The following ZNF563 variants were observed in gnomAD, a reference collection of about 807,000 sequenced individuals.
The protein encoded by ZNF563 is zinc finger protein 563.
In ZNF563, 39 loss-of-function variants were observed where a neutral mutation model predicts 48.5. That is an observed-to-expected ratio of 0.80 (90% CI 0.62 to 1.05). ZNF563 has a LOEUF of 1.05. Ranked by LOEUF, ZNF563 falls within the 50% of genes least tolerant of loss-of-function variation. The pLI is 0.00. For missense variants in ZNF563, 538 were observed against 597.0 expected (o/e 0.90, Z 1.03); for synonymous variants, 168 against 187.9 (o/e 0.89, Z 0.87).
At chr19:12,327,903 T>C (rs1045316070) in intron 1 of ZNF563, among the ~76,000 whole-genome samples, 3 of 152,078 alleles carry the variant, frequency 2.0e-5, no homozygotes, top group Admixed American at 2.0e-4. Context: ...TCAAAATACA[T>C]AAAGTAAAAA....
At chr19:12,331,239 TC>T (rs1185878249) in intron 1 of ZNF563, among the ~76,000 whole-genome samples, 1 of 152,154 alleles carries the variant, frequency 6.6e-6, no homozygotes, top group Non-Finnish European at 1.5e-5. Context: ...GTTGACAACC[TC>T]AGGGAGGGGC....
intron 1 of ZNF563, among the ~76,000 whole-genome samples, chr19:12,323,084 C>T (rs1968676854): frequency 1.3e-5 from 2 of 152,236 alleles, no homozygotes; most frequent in Admixed American, 6.5e-5. Context: ...GACTGCATGT[C>T]CTTACAAATT....
chr19:12,336,376 A>G (rs567041781), upstream of ZNF563, among the ~76,000 whole-genome samples: 2 of 152,224 alleles, frequency 1.3e-5, no homozygotes, highest in African/African-American at 4.8e-5. Flanking sequence ...GCAGATCACA[A>G]CGTCAGGAGT....
At chr19:12,328,489 A>C (rs899667666) in intron 1 of ZNF563, among the ~76,000 whole-genome samples, 10 of 152,152 alleles carry the variant, frequency 6.6e-5, no homozygotes, top group African/African-American at 2.2e-4. Context: ...AAAAGAGAAA[A>C]GAGCTGGGTG....
chr19:12,329,546 A>T (rs1021153371), intron 1 of ZNF563, among the ~76,000 whole-genome samples: 5 of 152,120 alleles, frequency 3.3e-5, no homozygotes, highest in African/African-American at 1.2e-4. Flanking sequence ...TGTAAAACTG[A>T]TAAGCCGACA....
chr19:12,326,679 T>C (rs1968804891), intron 1 of ZNF563, among the ~76,000 whole-genome samples: 1 of 151,436 alleles, frequency 6.6e-6, no homozygotes, highest in Non-Finnish European at 1.5e-5. Context: ...ATAAAACAAT[T>C]GAATCTACCC....
chr19:12,322,686 G>T lies in ZNF563; in HGVS notation c.29C>A (p.Ala10Asp). The part of the protein sequence containing the change: MDAVAFEDV[A>D]VNFTQEEWAL... ...CCATTCCTCCTGGGTGAAGTTCACA[G>T]CCACATCCTCAAAGGCCACTGCGTC... Residue 10 changes from alanine (A) to aspartate (D), a missense_variant, in exon 2 of 4, where the codon GCT becomes GAT. By Grantham distance (126) the Ala-to-Asp change is moderately radical. Coordinates refer to ENST00000293725, the MANE Select transcript of ZNF563 (RefSeq NM_145276.3). 1.2e-6 allele frequency: 2 copies of T among 1,608,096 alleles called. No homozygotes were observed. The highest frequency in any genetic ancestry group is 1.3e-5 in the African/African-American group (1 of 74,822).
the ZNF563 span, among the ~76,000 whole-genome samples, chr19:12,342,678 C>T: frequency 6.6e-6 from 1 of 150,936 alleles, no homozygotes; most frequent in Non-Finnish European, 1.5e-5. Flanking sequence ...GAGGCTGTGG[C>T]AAGAGGGTCA....
the ZNF563 span, among the ~76,000 whole-genome samples, chr19:12,345,694 T>C: frequency 2.0e-5 from 3 of 152,204 alleles, no homozygotes; most frequent in South Asian, 2.1e-4. Flanking sequence ...AGCAGATCAC[T>C]TGAGGTCAGG....
At position 12,318,907 on chromosome 19, in the gene ZNF563, G is replaced by C; in HGVS notation, c.1118C>G (p.Thr373Arg). 6.2e-7 allele frequency: 1 copy of C among 1,614,142 alleles called. No individual in the cohort carries two copies. The highest frequency in any genetic ancestry group is 8.5e-7 in the Non-Finnish European group (1 of 1,180,030). ...KPYECKQCGK[T>R]LSHSSSFRRH... is the part of the protein sequence containing the mutation. ...TCGAAAGCTTGAGCTATGAGATAAC[G>C]TTTTCCCACACTGCTTGCATTCATA... The change falls in exon 4 of 4, where the codon ACG (threonine) becomes AGG (arginine). Residue 373 changes from threonine (T) to arginine (R), a missense_variant. Physicochemically the swap from Thr to Arg is moderately conservative, Grantham distance 71. Transcript: ENST00000293725.
At chr19:12,338,476 T>C (rs1050485987), upstream of ZNF563, among the ~76,000 whole-genome samples, 3 of 152,152 alleles carry the variant, frequency 2.0e-5, no homozygotes, top group South Asian at 6.2e-4. Flanking sequence ...CTTGGACTCC[T>C]GAACTCAAGA....
At chr19:12,344,394 C>T in the ZNF563 span, among the ~76,000 whole-genome samples, 1 of 151,132 alleles carries the variant, frequency 6.6e-6, no homozygotes, top group South Asian at 2.1e-4. Flanking sequence ...GGATTTATTC[C>T]CAGAATGCAA....
the ZNF563 span, among the ~76,000 whole-genome samples, chr19:12,341,844 C>A: frequency 2.0e-5 from 3 of 152,082 alleles, no homozygotes; most frequent in Non-Finnish European, 4.4e-5. Context: ...TTCAACAACA[C>A]AATAAGCAAA....
chr19:12,329,907 T>TTTCTA (rs1968881583), intron 1 of ZNF563, among the ~76,000 whole-genome samples: 1 of 146,948 alleles, frequency 6.8e-6, no homozygotes, highest in Non-Finnish European at 1.5e-5. Context: ...TAGGTAATAC[T>TTTCTA]TTCTTTTCTT....
chr19:12,345,631 A>G, the ZNF563 span, among the ~76,000 whole-genome samples: 1 of 152,182 alleles, frequency 6.6e-6, no homozygotes. Flanking sequence ...AAATACTTAG[A>G]AGAGCCTGGG....
upstream of ZNF563, among the ~76,000 whole-genome samples, chr19:12,335,115 C>T (rs535008841): frequency 6.6e-6 from 1 of 152,204 alleles, no homozygotes; most frequent in East Asian, 1.9e-4. Context: ...AACTCTGCTG[C>T]CCACTCCAGG....
chr19:12,331,845 G>A (rs1968925605), intron 1 of ZNF563, among the ~76,000 whole-genome samples: 1 of 152,150 alleles, frequency 6.6e-6, no homozygotes. Flanking sequence ...TTTCCAAAGG[G>A]GAACCTCAAC....
intron 1 of ZNF563, among the ~76,000 whole-genome samples, chr19:12,332,536 A>C (rs1255747730): frequency 1.3e-5 from 2 of 151,972 alleles, no homozygotes; most frequent in Non-Finnish European, 2.9e-5. Context: ...TTTTTAGTAG[A>C]GAAGGGGTTT....
At chr19:12,344,647 T>TA in the ZNF563 span, among the ~76,000 whole-genome samples, 1 of 152,274 alleles carries the variant, frequency 6.6e-6, no homozygotes, top group African/African-American at 2.4e-5. Context: ...GCCTTCCCTC[T>TA]AATATCAAGA....
Sources: allele counts gnomAD v4.1 joint callset (sites outside exome capture counted in the v4.1 genomes callset), GRCh38; gene constraint gnomAD v4.1.1; transcripts MANE v1.5; gene names NCBI Gene and HGNC (gene_info 2026-07-23, HGNC 2026-07-21).